The following ICA1 variants were observed in gnomAD, a reference collection of about 807,000 sequenced individuals.
The protein encoded by ICA1 is islet cell autoantigen 1.
A neutral mutation model predicts 71.0 loss-of-function variants in ICA1; 40 were observed. The observed-to-expected ratio is 0.56, with a 90% CI of 0.44 to 0.73. The LOEUF (loss-of-function observed/expected upper bound fraction) is 0.73, where lower values mean the gene tolerates loss of function less well. Ranked by LOEUF, ICA1 falls within the 30% of genes least tolerant of loss-of-function variation. ICA1 has a pLI of 0.00. For synonymous variants in ICA1, 207 were observed against 209.5 expected, an observed-to-expected ratio of 0.99 and a Z score of 0.10; for missense variants, 578 against 576.5, an observed-to-expected ratio of 1.00 and a Z score of -0.03.
In ICA1 at chr7:8,222,009, A is replaced by C. The variant is rs1312470256; in HGVS notation, c.257-611T>G. Among the ~76,000 whole-genome samples, 4 of 152,164 alleles carry C rather than the reference A, an allele frequency of 2.6e-5. No homozygotes were observed. The highest frequency in any genetic ancestry group is 5.9e-5 in the Non-Finnish European group (4 of 68,034). On this transcript the variant is annotated intron_variant, in intron 4 of 13. Transcript: ENST00000402384. The surrounding 1 kb of genome is among the most constrained non-coding windows in gnomAD (Gnocchi z 4.8). Reference sequence around the variant, plus strand: ...TAATCTTGGCCTTATTTTTAAAGACAACCTCAGATGGTATTATTGGTGGGT... The same window carrying C: ...TAATCTTGGCCTTATTTTTAAAGACCACCTCAGATGGTATTATTGGTGGGT...
chr7:8,232,368 AT>A (rs1800525933), intron 3 of ICA1, among the ~76,000 whole-genome samples: 1 of 152,224 alleles, frequency 6.6e-6, no homozygotes, highest in South Asian at 2.1e-4. Context: ...ACCACAGGCA[AT>A]ACATGGCGAC....
chr7:8,135,090 A>T (rs1487765536), intron 12 of ICA1, among the ~76,000 whole-genome samples: 2 of 151,978 alleles, frequency 1.3e-5, no homozygotes, highest in Non-Finnish European at 2.9e-5. Context: ...GCAGTGGTGC[A>T]ATCTCGGTTC....
chr7:8,157,615 G>T, intron 7 of ICA1: 1 of 169,392 alleles, frequency 5.9e-6, no homozygotes, highest in Non-Finnish European at 1.2e-5. Flanking sequence ...CTCTGTCCTA[G>T]AGGTATAGAA....
rs1346125066 is a variant in ICA1, at chr7:8,173,009, A to G, written c.580-14357T>C. 6.6e-6 allele frequency among the ~76,000 whole-genome samples: 1 copy of G among 152,210 alleles called. No homozygotes were observed. The highest frequency in any genetic ancestry group is 1.5e-5 in the Non-Finnish European group (1 of 68,038). ...TAAATATCACTGACAACGGAGGTGA[A>G]AGTAAAATAGGGGCTTAGTTGCTTT... is the stretch of plus-strand genomic sequence containing the variant. On this transcript the variant is annotated intron_variant, in intron 6 of 13. Coordinates refer to ENST00000402384, the MANE Select transcript of ICA1 (RefSeq NM_001136020.3). The surrounding 1 kb of genome is among the most constrained non-coding windows in gnomAD (Gnocchi z 4.0).
chr7:8,256,817 A>G (rs893377186), intron 1 of ICA1, among the ~76,000 whole-genome samples: 6 of 152,334 alleles, frequency 3.9e-5, no homozygotes, highest in Admixed American at 3.9e-4. Flanking sequence ...CATTCAGTAC[A>G]TATGTGCTGG....
intron 6 of ICA1, among the ~76,000 whole-genome samples, chr7:8,159,791 A>G (rs1354427816): frequency 6.6e-6 from 1 of 152,242 alleles, no homozygotes; most frequent in East Asian, 1.9e-4. Context: ...CTATAGTGTC[A>G]ACACAGCATA....
At chr7:8,129,290 C>T (rs1181772666) in intron 12 of ICA1, among the ~76,000 whole-genome samples, 1 of 151,232 alleles carries the variant, frequency 6.6e-6, no homozygotes, top group Non-Finnish European at 1.5e-5. Context: ...CTGAGACATG[C>T]TGCAATTCTG....
intron 6 of ICA1, among the ~76,000 whole-genome samples, chr7:8,215,581 C>G (rs1234387368): frequency 1.3e-5 from 2 of 152,130 alleles, no homozygotes; most frequent in Non-Finnish European, 2.9e-5. Context: ...TGCTGTATTC[C>G]CCTGGATGCT....
At chr7:8,142,106 T>A in intron 9 of ICA1, 1 of 809,838 alleles carries the variant, frequency 1.2e-6, no homozygotes, top group Non-Finnish European at 1.8e-6. Flanking sequence ...GTTATCACCT[T>A]AAAAATAGTA....
chr7:8,151,111 C>T (rs1798649891), intron 8 of ICA1, among the ~76,000 whole-genome samples: 1 of 152,238 alleles, frequency 6.6e-6, no homozygotes. Flanking sequence ...CAATCCCAAC[C>T]TTGGCACACT....
At chr7:8,192,595 T>C (rs1171144655) in intron 6 of ICA1, among the ~76,000 whole-genome samples, 2 of 152,232 alleles carry the variant, frequency 1.3e-5, no homozygotes, top group Admixed American at 6.5e-5. Context: ...AAAGATCCTA[T>C]ATCTCATTAA....
intron 1 of ICA1, among the ~76,000 whole-genome samples, chr7:8,239,123 G>T (rs1242279030): frequency 6.6e-6 from 1 of 152,224 alleles, no homozygotes; most frequent in East Asian, 1.9e-4. Flanking sequence ...AACGCCTCAT[G>T]AGAAGGCAGC....
At chr7:8,193,256 C>A (rs1278274694) in intron 6 of ICA1, among the ~76,000 whole-genome samples, 1 of 152,198 alleles carries the variant, frequency 6.6e-6, no homozygotes, top group Non-Finnish European at 1.5e-5. Context: ...AACACATACA[C>A]ACATGTATGT....
rs887402616 is a variant in ICA1 at position 8,113,230 on chromosome 7, AC to A, written c.*692del. On this transcript the variant is annotated 3_prime_UTR_variant, in exon 14 of 14. Transcript: ENST00000402384. This position sits in a 1 kb window ranked among gnomAD's most constrained non-coding sequence, Gnocchi z 4.2. ...CTGTTTAATTAAAAAAAAAAAAAAA[AC>A]AATGTCACAAGAGGCTTCAGAAATA... is the stretch of plus-strand genomic sequence containing the variant. 3 of 150,912 alleles carry A rather than the reference AC, an allele frequency of 2.0e-5. No homozygotes were observed. The highest frequency in any genetic ancestry group is 7.3e-5 in the African/African-American group (3 of 41,128). 9.3% of individuals were successfully genotyped at this position (150,912 alleles called of 1,614,324 possible).
intron 8 of ICA1, among the ~76,000 whole-genome samples, chr7:8,153,073 C>T (rs1800169870): frequency 6.6e-6 from 1 of 152,202 alleles, no homozygotes; most frequent in Admixed American, 6.5e-5. Context: ...ACAAACACTG[C>T]TACCACTTTC....
intron 6 of ICA1, among the ~76,000 whole-genome samples, chr7:8,160,552 C>T (rs774753119): frequency 1.3e-5 from 2 of 152,182 alleles, no homozygotes; most frequent in Non-Finnish European, 2.9e-5. Flanking sequence ...CCCAGAAATA[C>T]AAGTTTTCCC....
At chr7:8,179,731 A>T (rs556581771) in intron 6 of ICA1, among the ~76,000 whole-genome samples, 69 of 152,116 alleles carry the variant, frequency 4.5e-4, no homozygotes, top group Admixed American at 1.5e-3. Context: ...AATACTAAAT[A>T]TACTTTCCTG....
At chr7:8,200,338 C>CAAAAAA (rs34371233) in intron 6 of ICA1, among the ~76,000 whole-genome samples, 3 of 67,932 alleles carry the variant, frequency 4.4e-5, no homozygotes, top group East Asian at 5.0e-4. Flanking sequence ...CACAGTTGAG[C>CAAAAAA]AAAAAAAAAA....
At chr7:8,196,657 T>C (rs1447635112) in intron 6 of ICA1, among the ~76,000 whole-genome samples, 1 of 152,172 alleles carries the variant, frequency 6.6e-6, no homozygotes, top group Non-Finnish European at 1.5e-5. Flanking sequence ...GCAGAAACTC[T>C]GTATCTTTCA....
Sources: gnomAD v4.1 joint callset for allele counts (sites outside exome capture counted in the v4.1 genomes callset) on GRCh38, gnomAD v4.1.1 for gene constraint, Gnocchi (gnomAD v3.1) non-coding constraint, MANE v1.5 for transcripts, NCBI Gene and HGNC (gene_info 2026-07-23, HGNC 2026-07-21) for gene names.